The following NALF1 variants were observed in gnomAD, a reference collection of about 807,000 sequenced individuals.
The protein encoded by NALF1 is family with sequence similarity 155 member A.
Under a neutral mutation model 48.4 loss-of-function variants are expected in NALF1, and 3 were observed. The observed-to-expected ratio is 0.06, with a 90% CI of 0.03 to 0.16. The LOEUF is 0.16. Ranked by LOEUF, NALF1 falls within the 10% of genes least tolerant of loss-of-function variation. The pLI, the probability that NALF1 is intolerant of heterozygous loss-of-function variation, is 1.00. For synonymous variants in NALF1, 262 were observed against 245.7 expected (o/e 1.07, Z -0.62); for missense variants, 526 against 571.5 (o/e 0.92, Z 0.81).
chr13:107,699,066 C>T (rs1881759768), intron 1 of NALF1, among the ~76,000 whole-genome samples: 1 of 152,108 alleles, frequency 6.6e-6, no homozygotes, highest in Non-Finnish European at 1.5e-5. Context: ...CCATTCATAG[C>T]TGAGCTTATA....
chr13:107,600,451 C>A (rs1401565214), intron 1 of NALF1, among the ~76,000 whole-genome samples: 1 of 142,744 alleles, frequency 7.0e-6, no homozygotes, highest in African/African-American at 2.6e-5. Flanking sequence ...AGGTTAATGT[C>A]TTTTAAAAAA....
chr13:107,734,763 G>T (rs1876417643), intron 1 of NALF1, among the ~76,000 whole-genome samples: 1 of 151,888 alleles, frequency 6.6e-6, no homozygotes, highest in South Asian at 2.1e-4. Context: ...CACATAATGG[G>T]CTCCCATTAA....
At chr13:107,383,928 C>A (rs1170831446) in intron 1 of NALF1, among the ~76,000 whole-genome samples, 1 of 152,152 alleles carries the variant, frequency 6.6e-6, no homozygotes, top group Admixed American at 6.5e-5. Flanking sequence ...ACTTGCCTTA[C>A]AAATTCAAGT....
rs117150669 is a variant in NALF1, at chr13:107,644,141, G to A, written c.915+221541C>T. 3.4e-3 allele frequency among the ~76,000 whole-genome samples: 524 copies of A among 151,898 alleles called. 4 individuals are homozygous for A. The highest frequency in any genetic ancestry group is 0.011 in the African/African-American group (439 of 41,360). Reference sequence around the variant, plus strand: ...ATAAACCTAATACCATAAAATTTACGTCTTCAGAAATACTCATCTCAAGAA... The same window carrying A: ...ATAAACCTAATACCATAAAATTTACATCTTCAGAAATACTCATCTCAAGAA... On this transcript the variant is annotated intron_variant, in intron 1 of 2. Transcript: ENST00000375915.
At chr13:107,818,796 C>G (rs1478798805) in intron 1 of NALF1, among the ~76,000 whole-genome samples, 1 of 128,910 alleles carries the variant, frequency 7.8e-6, no homozygotes, top group Admixed American at 8.2e-5. Flanking sequence ...GACGTGAACC[C>G]GGGAGGCGGA....
At chr13:107,681,571 G>C (rs940858894) in intron 1 of NALF1, among the ~76,000 whole-genome samples, 2 of 152,134 alleles carry the variant, frequency 1.3e-5, no homozygotes, top group African/African-American at 2.4e-5. Context: ...AGACATCAGG[G>C]GAGGCAAGAC....
chr13:107,241,238 C>T (rs1017923283), intron 1 of NALF1, among the ~76,000 whole-genome samples: 1 of 151,944 alleles, frequency 6.6e-6, no homozygotes, highest in Non-Finnish European at 1.5e-5. Flanking sequence ...TATGCACACA[C>T]TTCCAGCATA....
At chr13:107,464,292 T>G (rs939914346) in intron 1 of NALF1, among the ~76,000 whole-genome samples, 2 of 152,186 alleles carry the variant, frequency 1.3e-5, no homozygotes, top group Non-Finnish European at 2.9e-5. Flanking sequence ...TTGCTGTTAC[T>G]ATTAATACAC....
chr13:107,807,942 G>A (rs1242164568), intron 1 of NALF1, among the ~76,000 whole-genome samples: 1 of 152,062 alleles, frequency 6.6e-6, no homozygotes, highest in Non-Finnish European at 1.5e-5. Context: ...CAGAGAGGAA[G>A]ACTATAAAAG....
At chr13:107,278,080 T>C (rs1881315294) in intron 1 of NALF1, among the ~76,000 whole-genome samples, 1 of 152,246 alleles carries the variant, frequency 6.6e-6, no homozygotes, top group Non-Finnish European at 1.5e-5. Flanking sequence ...TGTTCAGACA[T>C]GGATCTGAAG....
rs548709767 is a variant in NALF1, at chr13:107,507,594, T to TAA, written c.916-296841_916-296840dup. ...AGATGCCTAGATGTTTATTCTCCATTAAAAAAAAAAAAAAAAAAAAAAAAA... is the reference window on the plus strand; with the variant it reads ...AGATGCCTAGATGTTTATTCTCCATTAAAAAAAAAAAAAAAAAAAAAAAAAAA... On this transcript the variant is annotated intron_variant, in intron 1 of 2. Coordinates refer to ENST00000375915, the MANE Select transcript of NALF1 (RefSeq NM_001080396.3). 1.8e-3 allele frequency among the ~76,000 whole-genome samples: 156 copies of TAA among 86,410 alleles called. 2 individuals carry two copies. Among genetic ancestry groups the TAA allele is most frequent in the African/African-American group, 7.9e-3 (141 of 17,888 alleles). 56.7% of individuals were successfully genotyped at this position (86,410 alleles called of 152,430 possible). A position where few individuals can be genotyped will look rare whatever the true frequency, so the allele number is the denominator to read the frequency against.
chr13:107,311,269 C>T (rs1481968386), intron 1 of NALF1, among the ~76,000 whole-genome samples: 1 of 152,048 alleles, frequency 6.6e-6, no homozygotes, highest in East Asian at 1.9e-4. Flanking sequence ...TCCCAGTATG[C>T]TTCTTTTAAA....
At chr13:107,174,746 G>C (rs925914461) in intron 2 of NALF1, among the ~76,000 whole-genome samples, 3 of 151,992 alleles carry the variant, frequency 2.0e-5, no homozygotes, top group Non-Finnish European at 4.4e-5. Context: ...AGAAGGCCAG[G>C]GAGCAGGAGG....
At chr13:107,768,035 AG>A (rs1877465727) in intron 1 of NALF1, among the ~76,000 whole-genome samples, 1 of 152,196 alleles carries the variant, frequency 6.6e-6, no homozygotes. Context: ...AGCTGGGTTT[AG>A]ATTGATGTGA....
intron 1 of NALF1, among the ~76,000 whole-genome samples, chr13:107,212,159 T>G (rs978210150): frequency 1.3e-5 from 2 of 152,256 alleles, no homozygotes; most frequent in African/African-American, 4.8e-5. Context: ...GGATTGTATT[T>G]TTTTATTCAT....
intron 1 of NALF1, among the ~76,000 whole-genome samples, chr13:107,359,286 G>A (rs1262577319): frequency 6.6e-6 from 1 of 151,894 alleles, no homozygotes; most frequent in Non-Finnish European, 1.5e-5. Flanking sequence ...GGATTTGCTG[G>A]GTATTGTTAA....
At chr13:107,348,661 T>C (rs9559014) in intron 1 of NALF1, among the ~76,000 whole-genome samples, 14,363 of 152,028 alleles carry the variant, frequency 0.094, 866 homozygotes, top group East Asian at 0.2. Context: ...TTCTCATTGT[T>C]CAACTCCCAC....
At chr13:107,529,631 C>T (rs967992363) in intron 1 of NALF1, among the ~76,000 whole-genome samples, 7 of 152,254 alleles carry the variant, frequency 4.6e-5, no homozygotes, top group Admixed American at 1.3e-4. Context: ...AAGATGGCCC[C>T]GCAGGACAGT....
At chr13:107,508,430 T>C (rs1031525969) in intron 1 of NALF1, among the ~76,000 whole-genome samples, 70 of 151,758 alleles carry the variant, frequency 4.6e-4, no homozygotes, top group South Asian at 6.2e-4. Context: ...ATTGTAACCA[T>C]TGATGAATAA....
Sources: gnomAD v4.1 joint callset for allele counts (sites outside exome capture counted in the v4.1 genomes callset) on GRCh38, gnomAD v4.1.1 for gene constraint, MANE v1.5 for transcripts, NCBI Gene and HGNC (gene_info 2026-07-23, HGNC 2026-07-21) for gene names.